Variants in COL5A2 observed in about 807,000 individuals in gnomAD.
COL5A2 encodes the protein collagen alpha-2(V) chain.
A neutral mutation model predicts 208.2 loss-of-function variants in COL5A2; 23 were observed. That is an observed-to-expected ratio of 0.11 (90% CI 0.08 to 0.16). The LOEUF (loss-of-function observed/expected upper bound fraction) is 0.16. Among genes scored for constraint, COL5A2 ranks in the 10% least tolerant of loss-of-function variants. The pLI is 1.00. For missense variants in COL5A2, 1,590 were observed against 1,956.4 expected (o/e 0.81, Z 3.53); for synonymous variants, 625 against 628.5 (o/e 0.99, Z 0.08).
chr2:189,153,129 A>G (rs1259415461), intron 1 of COL5A2, among the ~76,000 whole-genome samples: 1 of 152,200 alleles, frequency 6.6e-6, no homozygotes, highest in Non-Finnish European at 1.5e-5. Context: ...CAAAAAGTCA[A>G]CCTAGCTAAA....
At chr2:189,364,968 C>G in the COL5A2 span, among the ~76,000 whole-genome samples, 1 of 152,132 alleles carries the variant, frequency 6.6e-6, no homozygotes, top group Non-Finnish European at 1.5e-5. Context: ...TGGGTCTTAA[C>G]TTCTCCGTAA....
At chr2:189,051,215 G>C (rs1047398967) in intron 42 of COL5A2, 105 bp downstream of exon 42, 2 of 1,426,968 alleles carry the variant, frequency 1.4e-6, no homozygotes, top group Non-Finnish European at 2.0e-6. Context: ...TTTTAGGAAT[G>C]TGCCCAGCAT....
chr2:189,114,100 A>G (rs1201367250), intron 1 of COL5A2, among the ~76,000 whole-genome samples: 1 of 152,184 alleles, frequency 6.6e-6, no homozygotes, highest in Non-Finnish European at 1.5e-5. Flanking sequence ...TTCTCCTGAG[A>G]ATTTATAATT....
chr2:189,192,356 A>C (rs1398980899), intron 1 of COL5A2, among the ~76,000 whole-genome samples: 1 of 152,212 alleles, frequency 6.6e-6, no homozygotes, highest in Non-Finnish European at 1.5e-5. Context: ...TATTCTACAG[A>C]ATATTCTCTC....
the COL5A2 span, among the ~76,000 whole-genome samples, chr2:189,251,387 A>G: frequency 6.6e-6 from 1 of 152,110 alleles, no homozygotes; most frequent in East Asian, 1.9e-4. Context: ...TGTTCCTAGA[A>G]CTGGTCATGG....
At chr2:189,391,250 C>T in the COL5A2 span, among the ~76,000 whole-genome samples, 1 of 152,120 alleles carries the variant, frequency 6.6e-6, no homozygotes, top group Non-Finnish European at 1.5e-5. Context: ...AAGCTGCATT[C>T]TACTCCTGTA....
intron 2 of COL5A2, among the ~76,000 whole-genome samples, chr2:189,105,569 T>C (rs1687132561): frequency 6.6e-6 from 1 of 151,500 alleles, no homozygotes; most frequent in South Asian, 2.1e-4. Context: ...TTTAATTATT[T>C]ATATCTAGTA....
chr2:189,068,731 G>T, intron 19 of COL5A2, 55 bp downstream of exon 19: 2 of 1,244,534 alleles, frequency 1.6e-6, no homozygotes, highest in Non-Finnish European at 1.2e-6. Context: ...TTGTTCTGAT[G>T]TTACAAGAAA....
chr2:189,319,449 A>C, the COL5A2 span, among the ~76,000 whole-genome samples: 1 of 152,246 alleles, frequency 6.6e-6, no homozygotes, highest in Non-Finnish European at 1.5e-5. Flanking sequence ...CACCTGGAAA[A>C]TCAGGTCACT....
At chr2:189,359,690 A>G in the COL5A2 span, among the ~76,000 whole-genome samples, 1 of 152,262 alleles carries the variant, frequency 6.6e-6, no homozygotes, top group East Asian at 1.9e-4. Flanking sequence ...TGAAGCCATC[A>G]GGTCCTGGGC....
At chr2:189,123,492 C>T (rs1458322643) in intron 1 of COL5A2, among the ~76,000 whole-genome samples, 1 of 151,888 alleles carries the variant, frequency 6.6e-6, no homozygotes, top group Non-Finnish European at 1.5e-5. Flanking sequence ...TGACTGGTGT[C>T]CTTATAAGGA....
At chr2:189,048,537 T>C (rs1182468041) in intron 44 of COL5A2, among the ~76,000 whole-genome samples, 1 of 152,244 alleles carries the variant, frequency 6.6e-6, no homozygotes, top group Non-Finnish European at 1.5e-5. Flanking sequence ...AGATAACAAT[T>C]ACATTCTTGC....
intron 46 of COL5A2, 118 bp from the exon 47 acceptor site, chr2:189,045,350 G>A (rs547553947): frequency 3.1e-6 from 2 of 652,770 alleles, no homozygotes; most frequent in East Asian, 2.7e-5. Context: ...ATGTGTGTGT[G>A]TGTGTGTGTG....
At chr2:189,181,210 T>G (rs925384447), upstream of COL5A2, among the ~76,000 whole-genome samples, 8 of 152,322 alleles carry the variant, frequency 5.3e-5, no homozygotes, top group Admixed American at 5.2e-4. Flanking sequence ...AACCTTTGCA[T>G]TTTAGCTTTG....
the COL5A2 span, among the ~76,000 whole-genome samples, chr2:189,362,053 A>C: frequency 2.0e-5 from 3 of 152,080 alleles, no homozygotes; most frequent in African/African-American, 7.2e-5. Flanking sequence ...AGTTACCCCA[A>C]CTAAAGTATT....
the COL5A2 span, among the ~76,000 whole-genome samples, chr2:189,271,190 G>A: frequency 4.6e-5 from 7 of 152,068 alleles, no homozygotes; most frequent in South Asian, 4.1e-4. Flanking sequence ...AAAACAGCCC[G>A]TATCGTCAAG....
intron 5 of COL5A2, chr2:189,097,565 A>C (rs1686947516): frequency 3.0e-6 from 2 of 668,900 alleles, no homozygotes; most frequent in Admixed American, 2.1e-5. Flanking sequence ...ACATTATGGC[A>C]TCATGGAGCA....
the COL5A2 span, among the ~76,000 whole-genome samples, chr2:189,348,352 A>G: frequency 1.3e-5 from 2 of 151,734 alleles, no homozygotes; most frequent in South Asian, 2.1e-4. Context: ...TTTGCTCTAG[A>G]AAAAAAATGG....
intron 1 of COL5A2, among the ~76,000 whole-genome samples, chr2:189,192,601 T>C (rs1688944741): frequency 6.6e-6 from 1 of 152,190 alleles, no homozygotes; most frequent in Non-Finnish European, 1.5e-5. Flanking sequence ...TACCTACATA[T>C]AAAGAGTGAT....
Sources: allele counts gnomAD v4.1 joint callset (sites outside exome capture counted in the v4.1 genomes callset), GRCh38; gene constraint gnomAD v4.1.1; transcripts MANE v1.5; gene names NCBI Gene and HGNC (gene_info 2026-07-23, HGNC 2026-07-21).